Variants in AMPH observed in about 807,000 individuals in gnomAD.
AMPH encodes amphiphysin (Stiff-Mann syndrome with breast cancer 128kD autoantigen).
AMPH carries 49 observed loss-of-function variants against 99.1 expected under a neutral mutation model. The observed-to-expected ratio is 0.49, with a 90% CI of 0.39 to 0.63. The LOEUF is 0.63. Among genes scored for constraint, AMPH ranks in the 20% least tolerant of loss-of-function variants. The pLI, the probability that AMPH is intolerant of heterozygous loss-of-function variation, is 0.00. For synonymous variants in AMPH, 314 were observed against 317.3 expected (o/e 0.99, Z 0.11); for missense variants, 759 against 863.4 (o/e 0.88, Z 1.52).
At chr7:38,587,297 T>A (rs1284703990) in intron 1 of AMPH, among the ~76,000 whole-genome samples, 1 of 152,042 alleles carries the variant, frequency 6.6e-6, no homozygotes, top group African/African-American at 2.4e-5. Context: ...GGCAGGTGGG[T>A]CAGGAGGTTT....
At chr7:38,425,535 C>A (rs1785752817) in intron 15 of AMPH, among the ~76,000 whole-genome samples, 1 of 152,150 alleles carries the variant, frequency 6.6e-6, no homozygotes, top group African/African-American at 2.4e-5. Flanking sequence ...ATGTGAAATT[C>A]ATGACTTGGC....
chr7:38,497,943 T>C (rs1386445364), intron 3 of AMPH, among the ~76,000 whole-genome samples: 1 of 152,204 alleles, frequency 6.6e-6, no homozygotes, highest in African/African-American at 2.4e-5. Flanking sequence ...TAGAGAAAGA[T>C]CTGGCATGTT....
At chr7:38,572,931 C>T (rs1461107608) in intron 1 of AMPH, among the ~76,000 whole-genome samples, 1 of 152,146 alleles carries the variant, frequency 6.6e-6, no homozygotes, top group South Asian at 2.1e-4. Flanking sequence ...AGCTCCAGCA[C>T]AATATCAGCA....
At chr7:38,586,263 C>T (rs1183838029) in intron 1 of AMPH, among the ~76,000 whole-genome samples, 1 of 152,168 alleles carries the variant, frequency 6.6e-6, no homozygotes, top group Non-Finnish European at 1.5e-5. Context: ...CAGCTTCAAC[C>T]CCTTATCAAC....
At chr7:38,548,942 T>C (rs1003844300) in intron 1 of AMPH, among the ~76,000 whole-genome samples, 3 of 152,240 alleles carry the variant, frequency 2.0e-5, no homozygotes, top group African/African-American at 4.8e-5. Flanking sequence ...AAACAGAAGA[T>C]GGATCCTCCA....
At chr7:38,591,522 G>A (rs1792856622) in intron 1 of AMPH, among the ~76,000 whole-genome samples, 1 of 152,026 alleles carries the variant, frequency 6.6e-6, no homozygotes, top group Non-Finnish European at 1.5e-5. Flanking sequence ...CCTGACCTCA[G>A]GTGATCTACC....
intron 5 of AMPH, among the ~76,000 whole-genome samples, chr7:38,477,325 T>G (rs1445459386): frequency 6.6e-6 from 1 of 152,180 alleles, no homozygotes; most frequent in Non-Finnish European, 1.5e-5. Flanking sequence ...TGTTCTATTC[T>G]GAAGATAGTG....
chr7:38,402,462 T>C (rs180735773), intron 17 of AMPH, among the ~76,000 whole-genome samples: 12 of 152,364 alleles, frequency 7.9e-5, no homozygotes, highest in Middle Eastern at 3.4e-3. Flanking sequence ...ATAGGCTTGA[T>C]GTTTACAGTA....
chr7:38,613,644 C>G (rs10227824), intron 1 of AMPH, among the ~76,000 whole-genome samples: 3,272 of 152,178 alleles, frequency 0.022, 141 homozygotes, highest in African/African-American at 0.075. Flanking sequence ...CAGCCTCAGA[C>G]AGTAGGTGCA....
At position 38,469,153 on chromosome 7, in the gene AMPH, C is replaced by CAA. The variant is rs869172352; in HGVS notation, c.591-2907_591-2906dup. ...TGGGCGACAGAGCGAGACTCCGCCTCAAAAAAAAAAAAAAAAAAAAAAAAA... is the reference window on the plus strand; with the variant it reads ...TGGGCGACAGAGCGAGACTCCGCCTCAAAAAAAAAAAAAAAAAAAAAAAAAAA... On this transcript the variant is annotated intron_variant, in intron 7 of 20. Transcript: ENST00000356264. 6.9e-4 allele frequency among the ~76,000 whole-genome samples: 20 copies of CAA among 28,874 alleles called. 1 individual carries two copies. Among genetic ancestry groups the CAA allele is most frequent in the African/African-American group, 9.3e-4 (4 of 4,290 alleles). The allele number at this position is 28,874 out of a possible 152,430, so 18.9% of individuals were successfully genotyped here. A position where few individuals can be genotyped will look rare whatever the true frequency, so the allele number is the denominator to read the frequency against.
At chr7:38,598,554 G>A (rs145717027) in intron 1 of AMPH, among the ~76,000 whole-genome samples, 17 of 152,096 alleles carry the variant, frequency 1.1e-4, no homozygotes, top group African/African-American at 3.4e-4. Flanking sequence ...CACCTGCCTC[G>A]GGCTCCCAAA....
chr7:38,510,439 T>C (rs1290882896), intron 2 of AMPH, among the ~76,000 whole-genome samples: 1 of 152,202 alleles, frequency 6.6e-6, no homozygotes. Flanking sequence ...GTCCATGATG[T>C]AACAATGAAA....
intron 1 of AMPH, among the ~76,000 whole-genome samples, chr7:38,554,326 T>C (rs925944845): frequency 6.6e-6 from 1 of 152,214 alleles, no homozygotes; most frequent in African/African-American, 2.4e-5. Flanking sequence ...CTCAGAAGAA[T>C]TCACAATCAT....
At chr7:38,541,441 G>A (rs1241835935) in intron 1 of AMPH, among the ~76,000 whole-genome samples, 2 of 152,196 alleles carry the variant, frequency 1.3e-5, no homozygotes, top group Non-Finnish European at 2.9e-5. Flanking sequence ...GGACTAAGAT[G>A]AAACACTAGA....
intron 17 of AMPH, among the ~76,000 whole-genome samples, chr7:38,401,850 T>C (rs1191466978): frequency 6.6e-6 from 1 of 152,168 alleles, no homozygotes; most frequent in African/African-American, 2.4e-5. Flanking sequence ...TAGGAAAACT[T>C]CAGTTTGAGC....
chr7:38,400,114 T>G (rs1784801405), intron 17 of AMPH, among the ~76,000 whole-genome samples: 1 of 152,216 alleles, frequency 6.6e-6, no homozygotes, highest in Non-Finnish European at 1.5e-5. Flanking sequence ...TCACTCTTGT[T>G]GCCCAGGCTG....
intron 4 of AMPH, 84 bp downstream of exon 4, chr7:38,494,349 C>T: frequency 8.9e-7 from 1 of 1,129,568 alleles, no homozygotes; most frequent in Non-Finnish European, 1.3e-6. Context: ...ATGATTAAGA[C>T]TGTGAAGTGG....
chr7:38,465,995 A>G (rs186728811), intron 8 of AMPH, among the ~76,000 whole-genome samples, 178 bp downstream of exon 8: 1 of 152,366 alleles, frequency 6.6e-6, no homozygotes, highest in Non-Finnish European at 1.5e-5. Flanking sequence ...AAAGATACAA[A>G]GAACTATGTG....
chr7:38,449,079 C>T (rs1295839936), intron 11 of AMPH, among the ~76,000 whole-genome samples: 1 of 152,094 alleles, frequency 6.6e-6, no homozygotes, highest in East Asian at 1.9e-4. Flanking sequence ...AGTGGAAAGA[C>T]AGATGACTAA....
Sources: gnomAD v4.1 joint callset for allele counts (sites outside exome capture counted in the v4.1 genomes callset) on GRCh38, gnomAD v4.1.1 for gene constraint, MANE v1.5 for transcripts, NCBI Gene and HGNC (gene_info 2026-07-23, HGNC 2026-07-21) for gene names.